FAAH2: variants seen among roughly 807,000 people sequenced by gnomAD.
The protein encoded by FAAH2 is fatty acid amide hydrolase 2, also known as fatty-acid amide hydrolase 2.
A neutral mutation model predicts 36.9 loss-of-function variants in FAAH2; 60 were observed. The ratio of observed to expected loss-of-function variants is 1.63; its 90% confidence interval spans 1.32 to 2.02. FAAH2 has a LOEUF of 2.02. FAAH2 is among the 30% of genes most tolerant of loss of function. The pLI, the probability that FAAH2 is intolerant of heterozygous loss-of-function variation, is 0.00. For synonymous variants in FAAH2, 214 were observed against 143.8 expected (o/e 1.49, Z -3.49); for missense variants, 689 against 397.5 (o/e 1.73, Z -6.23).
At chrX:57,381,506 A>G in intron 7 of FAAH2, 1 of 669,486 alleles carries the variant, frequency 1.5e-6, no homozygotes, top group Non-Finnish European at 1.8e-6. Flanking sequence ...ACCAAATTTT[A>G]AAAGTAATTT....
chrX:57,448,865 T>C (rs1293450223), intron 10 of FAAH2, 147 bp downstream of exon 10: 2 of 540,032 alleles, frequency 3.7e-6, no homozygotes, highest in Non-Finnish European at 5.9e-6. Flanking sequence ...CAGAAAACAG[T>C]TGCTAATGTC....
At chrX:57,383,724 A>T (rs768744992) in intron 7 of FAAH2, among the ~76,000 whole-genome samples, 2 of 112,050 alleles carry the variant, frequency 1.8e-5, no homozygotes, top group African/African-American at 6.5e-5. Flanking sequence ...GGAAAAATCA[A>T]TATCATGAAA....
At chrX:57,396,374 T>C (rs1349931684) in intron 7 of FAAH2, among the ~76,000 whole-genome samples, 1 of 106,065 alleles carries the variant, frequency 9.4e-6, no homozygotes, top group Non-Finnish European at 1.9e-5. Context: ...TTAGGTTTAG[T>C]GTTTTTTTTT....
chrX:57,338,236 G>T (rs373574944), intron 4 of FAAH2, among the ~76,000 whole-genome samples: 1 of 111,582 alleles, frequency 9.0e-6, no homozygotes, highest in Non-Finnish European at 1.9e-5. Flanking sequence ...GTCAAAGGGG[G>T]TTTGTTCTCT....
At chrX:57,226,821 A>G in the FAAH2 span, among the ~76,000 whole-genome samples, 4 of 111,508 alleles carry the variant, frequency 3.6e-5, no homozygotes, top group Admixed American at 9.5e-5. Context: ...ATAATCCAAA[A>G]CTTCTTGGAG....
chrX:57,407,002 C>G (rs1033573699), intron 7 of FAAH2, among the ~76,000 whole-genome samples: 1 of 112,349 alleles, frequency 8.9e-6, no homozygotes, highest in Non-Finnish European at 1.9e-5. Flanking sequence ...TCCACTGAGA[C>G]AGAACCATAC....
intron 10 of FAAH2, among the ~76,000 whole-genome samples, chrX:57,479,080 G>T (rs2057327550): frequency 9.0e-6 from 1 of 111,618 alleles, no homozygotes; most frequent in Non-Finnish European, 1.9e-5. Flanking sequence ...ACCTTGGGCA[G>T]TTTGGCCATT....
the FAAH2 span, among the ~76,000 whole-genome samples, chrX:57,157,130 G>T: frequency 4.7e-4 from 52 of 111,684 alleles, no homozygotes; most frequent in African/African-American, 1.7e-3. Context: ...GCAAGACCAA[G>T]TCCCTTGTAC....
chrX:57,160,756 CT>C, the FAAH2 span, among the ~76,000 whole-genome samples: 1 of 111,637 alleles, frequency 9.0e-6, no homozygotes, highest in Non-Finnish European at 1.9e-5. Flanking sequence ...TCTCTCTTTT[CT>C]TTAATAGTCT....
intron 8 of FAAH2, among the ~76,000 whole-genome samples, chrX:57,439,736 T>C (rs1405137752): frequency 8.9e-6 from 1 of 112,014 alleles, no homozygotes; most frequent in Non-Finnish European, 1.9e-5. Context: ...TGGTTTTAGG[T>C]CTAACGTTTA....
the FAAH2 span, among the ~76,000 whole-genome samples, chrX:57,154,267 C>CT: frequency 7.7e-3 from 729 of 94,967 alleles, no homozygotes; most frequent in Admixed American, 0.014. Flanking sequence ...TATGTTGTAT[C>CT]TTTTTTTTTT....
intron 7 of FAAH2, among the ~76,000 whole-genome samples, chrX:57,398,146 C>G (rs1299937021): frequency 2.7e-5 from 3 of 112,004 alleles, no homozygotes; most frequent in Non-Finnish European, 5.6e-5. Context: ...CGTCCCATTA[C>G]TGGGTATATA....
the FAAH2 span, among the ~76,000 whole-genome samples, chrX:57,179,279 C>T: frequency 9.0e-6 from 1 of 111,723 alleles, no homozygotes; most frequent in African/African-American, 3.3e-5. Flanking sequence ...TCAATACTAA[C>T]CTTAAATATA....
chrX:57,434,377 T>A (rs924790216), intron 8 of FAAH2, among the ~76,000 whole-genome samples: 1 of 110,264 alleles, frequency 9.1e-6, no homozygotes, highest in Admixed American at 9.8e-5. Flanking sequence ...CACCTGGACC[T>A]TAAATGGAAA....
intron 1 of FAAH2, among the ~76,000 whole-genome samples, chrX:57,287,953 T>C (rs886138860): frequency 1.8e-5 from 2 of 111,559 alleles, no homozygotes; most frequent in African/African-American, 6.5e-5. Flanking sequence ...AGACATATCC[T>C]GTCTTCTTGC....
intron 7 of FAAH2, among the ~76,000 whole-genome samples, chrX:57,411,178 G>A: frequency 8.9e-6 from 1 of 111,743 alleles, no homozygotes; most frequent in Non-Finnish European, 1.9e-5. Flanking sequence ...ATTATTCTTA[G>A]GGGGAAAGAC....
At chrX:57,215,906 CATATATATATAT>C in the FAAH2 span, among the ~76,000 whole-genome samples, 3 of 89,519 alleles carry the variant, frequency 3.4e-5, no homozygotes, top group Admixed American at 1.2e-4. Context: ...CCATGGCACT[CATATATATATAT>C]ATATATATAT....
At chrX:57,412,455 G>A (rs1214147325) in intron 7 of FAAH2, among the ~76,000 whole-genome samples, 1 of 111,021 alleles carries the variant, frequency 9.0e-6, no homozygotes, top group Non-Finnish European at 1.9e-5. Flanking sequence ...TCCCAGTTAT[G>A]AGTGACAACA....
At chrX:57,319,398 T>A (rs1219721554) in intron 3 of FAAH2, among the ~76,000 whole-genome samples, 1 of 111,601 alleles carries the variant, frequency 9.0e-6, no homozygotes, top group African/African-American at 3.3e-5. Flanking sequence ...GAGAGCCAAA[T>A]CATGAGTGAA....
Sources: gnomAD v4.1 joint callset for allele counts (sites outside exome capture counted in the v4.1 genomes callset) on GRCh38, gnomAD v4.1.1 for gene constraint, MANE v1.5 for transcripts, NCBI Gene and HGNC (gene_info 2026-07-23, HGNC 2026-07-21) for gene names.